The following RXRA variants were observed in gnomAD, a reference collection of about 807,000 sequenced individuals.
The protein encoded by RXRA is retinoic acid receptor RXR-alpha.
Under a neutral mutation model 44.5 loss-of-function variants are expected in RXRA, and 5 were observed. That is an observed-to-expected ratio of 0.11 (90% CI 0.06 to 0.24). The LOEUF is 0.24. RXRA is among the 10% of genes least tolerant of loss of function. The pLI, the probability that RXRA is intolerant of heterozygous loss-of-function variation, is 1.00. For missense variants in RXRA, 412 were observed against 646.5 expected, an observed-to-expected ratio of 0.64 and a Z score of 3.93; for synonymous variants, 291 against 271.4, an observed-to-expected ratio of 1.07 and a Z score of -0.71.
chr9:134,418,572 C>T (rs781176034), intron 5 of RXRA, among the ~76,000 whole-genome samples: 7 of 152,214 alleles, frequency 4.6e-5, no homozygotes, highest in Admixed American at 1.3e-4. Flanking sequence ...TTGCAGCTCA[C>T]GTGGCCTGGA....
chr9:134,407,780 C>A lies in RXRA; in HGVS notation c.280-369C>A, dbSNP rs911117879. Reference sequence around the variant, plus strand: ...TCATGGAGTGTCCGGGGGCACCCAGCGGGGCTGGGCACTGCCAGGGGCTCA... The same window carrying A: ...TCATGGAGTGTCCGGGGGCACCCAGAGGGGCTGGGCACTGCCAGGGGCTCA... On this transcript the variant is annotated intron_variant, in intron 2 of 9. Coordinates refer to ENST00000481739, the MANE Select transcript of RXRA (RefSeq NM_002957.6). This position sits in a 1 kb window ranked among gnomAD's most constrained non-coding sequence, Gnocchi z 4.8. Among the ~76,000 whole-genome samples the A allele has an allele frequency of 1.3e-5, 2 of 152,062 alleles. No homozygotes were observed.
chr9:134,424,029 C>G, intron 6 of RXRA: 1 of 985,412 alleles, frequency 1.0e-6, no homozygotes, highest in South Asian at 4.7e-5. Context: ...GGTGCCTGGC[C>G]CTGTGGTCCC....
intron 1 of RXRA, among the ~76,000 whole-genome samples, chr9:134,337,243 G>C (rs1830021337): frequency 6.6e-6 from 1 of 152,236 alleles, no homozygotes; most frequent in Non-Finnish European, 1.5e-5. Context: ...ACTTGTAGCA[G>C]TGTGGGGGGT....
intron 4 of RXRA, among the ~76,000 whole-genome samples, chr9:134,412,246 G>A (rs1480326507): frequency 6.6e-6 from 1 of 152,222 alleles, no homozygotes; most frequent in Non-Finnish European, 1.5e-5. Context: ...GTCGGCTCTG[G>A]GGACTGAGCC....
chr9:134,407,599 C>A lies in RXRA; in HGVS notation c.280-550C>A, dbSNP rs1227552021. On this transcript the variant is annotated intron_variant, in intron 2 of 9. Coordinates refer to ENST00000481739, the MANE Select transcript of RXRA (RefSeq NM_002957.6). The surrounding 1 kb of genome is among the most constrained non-coding windows in gnomAD (Gnocchi z 4.8). ...CGTGCCACCCGATGCCCGGGGGTGTCCACTCCCCTCTCCTGGGTCACGTGA... is the reference window on the plus strand; with the variant it reads ...CGTGCCACCCGATGCCCGGGGGTGTACACTCCCCTCTCCTGGGTCACGTGA... Among the ~76,000 whole-genome samples, 1 of 152,060 alleles carries A rather than the reference C, an allele frequency of 6.6e-6. No homozygotes were observed. Among genetic ancestry groups the A allele is most frequent in the Non-Finnish European group, 1.5e-5 (1 of 67,988 alleles).
chr9:134,395,458 G>T (rs1325852030), intron 1 of RXRA, among the ~76,000 whole-genome samples: 1 of 152,244 alleles, frequency 6.6e-6, no homozygotes, highest in East Asian at 1.9e-4. Flanking sequence ...GCTGGTCAGG[G>T]CTCTGTGTGG....
intron 1 of RXRA, among the ~76,000 whole-genome samples, chr9:134,396,940 G>T (rs1478938090): frequency 6.6e-6 from 1 of 152,196 alleles, no homozygotes; most frequent in Admixed American, 6.5e-5. Context: ...TTCCCTGGCT[G>T]CCCAGGAGGG....
intron 1 of RXRA, among the ~76,000 whole-genome samples, chr9:134,389,458 A>G (rs1830768975): frequency 1.3e-5 from 2 of 151,510 alleles, no homozygotes; most frequent in Admixed American, 1.3e-4. Flanking sequence ...TTGGGGGTAT[A>G]ATGGGGAGCC....
In RXRA at chr9:134,426,509, C is replaced by T. The variant is rs541232542; in HGVS notation, c.911-2599C>T. On this transcript the variant is annotated intron_variant, in intron 6 of 9. Transcript: ENST00000481739. This position sits in a 1 kb window ranked among gnomAD's most constrained non-coding sequence, Gnocchi z 4.6. ...GATGCAGCCGGCGTGCCGGAGGGTG[C>T]AGAGAGAGACTCCGCACTGTTCTGT... 3.0e-4 allele frequency: 291 copies of T among 985,450 alleles called. 1 individual carries two copies. The African/African-American group carries it at 4.6e-3, about 16-fold the overall frequency. 61.0% of individuals were successfully genotyped at this position (985,450 alleles called of 1,614,324 possible).
At chr9:134,430,702 G>C (rs1831518795) in intron 7 of RXRA, among the ~76,000 whole-genome samples, 1 of 152,230 alleles carries the variant, frequency 6.6e-6, no homozygotes, top group Admixed American at 6.5e-5. Context: ...CTTCTTTAGA[G>C]GGGTACTGGG....
Position 134,407,352 on chromosome 9 carries a change from C to T in RXRA, c.280-797C>T, listed in dbSNP as rs966707717. ...GGGGGCTGCCTGGCCAAGCGCTTAC[C>T]GCCCTGCGCAGCCAGGCTGGCTGGC... On this transcript the variant is annotated intron_variant, in intron 2 of 9. Coordinates refer to ENST00000481739, the MANE Select transcript of RXRA (RefSeq NM_002957.6). This position sits in a 1 kb window ranked among gnomAD's most constrained non-coding sequence, Gnocchi z 4.8. Among the ~76,000 whole-genome samples the T allele has an allele frequency of 1.3e-5, 2 of 152,196 alleles. No individual in the cohort carries two copies. The highest frequency in any genetic ancestry group is 2.9e-5 in the Non-Finnish European group (2 of 68,032).
In RXRA at chr9:134,343,737, C is replaced by T. The variant is rs1010608955; in HGVS notation, c.28+17078C>T. Among the ~76,000 whole-genome samples the T allele has an allele frequency of 2.6e-5, 4 of 152,248 alleles. No individual in the cohort carries two copies. The highest frequency in any genetic ancestry group is 1.9e-4 in the East Asian group (1 of 5,146). On this transcript the variant is annotated intron_variant, in intron 1 of 9. Transcript: ENST00000481739. This position sits in a 1 kb window ranked among gnomAD's most constrained non-coding sequence, Gnocchi z 4.1. Reference sequence around the variant, plus strand: ...GGGGCCTCGGGACCAACCCTCCATCCGCCCGTCCCCAGCCGGGCGCGGCAC... The same window carrying T: ...GGGGCCTCGGGACCAACCCTCCATCTGCCCGTCCCCAGCCGGGCGCGGCAC...
intron 1 of RXRA, among the ~76,000 whole-genome samples, chr9:134,329,355 C>A (rs781962169): frequency 2.6e-5 from 4 of 152,236 alleles, no homozygotes; most frequent in African/African-American, 7.2e-5. Context: ...TCTTTTAGCG[C>A]GGGCGCTGCC....
intron 6 of RXRA, among the ~76,000 whole-genome samples, chr9:134,428,820 C>T (rs1041934037): frequency 1.3e-5 from 2 of 152,212 alleles, no homozygotes; most frequent in African/African-American, 2.4e-5. Flanking sequence ...GTCCTGCACA[C>T]GCGGGAGGAA....
At chr9:134,351,302 G>A (rs11185658) in intron 1 of RXRA, among the ~76,000 whole-genome samples, 9,738 of 152,308 alleles carry the variant, frequency 0.064, 363 homozygotes, top group Admixed American at 0.14. Context: ...CAGAGAAGGG[G>A]CAGTCGGGAG....
At chr9:134,392,298 G>A (rs1046409312) in intron 1 of RXRA, among the ~76,000 whole-genome samples, 4 of 139,136 alleles carry the variant, frequency 2.9e-5, no homozygotes, top group Non-Finnish European at 6.3e-5. Flanking sequence ...CCAGGCAGCA[G>A]ATGGGTGGTC....
At chr9:134,355,495 G>C (rs1205168768) in intron 1 of RXRA, among the ~76,000 whole-genome samples, 1 of 144,604 alleles carries the variant, frequency 6.9e-6, no homozygotes, top group Non-Finnish European at 1.5e-5. Context: ...TGTTATTTTT[G>C]GTTACTTTTT....
intron 8 of RXRA, among the ~76,000 whole-genome samples, chr9:134,432,336 TC>T (rs35929025): frequency 6.6e-6 from 1 of 152,174 alleles, no homozygotes; most frequent in African/African-American, 2.4e-5. Context: ...GTTGTGAACT[TC>T]CGGTGCTGAA....
At position 134,342,786 on chromosome 9, in the gene RXRA, A is replaced by ACCTGC. The variant is rs1441572364; in HGVS notation, c.28+16129_28+16133dup. Among the ~76,000 whole-genome samples the ACCTGC allele has an allele frequency of 6.6e-6, 1 of 152,094 alleles. No homozygotes were observed. Among genetic ancestry groups the ACCTGC allele is most frequent in the Non-Finnish European group, 1.5e-5 (1 of 67,998 alleles). On this transcript the variant is annotated intron_variant, in intron 1 of 9. Transcript: ENST00000481739. This position sits in a 1 kb window ranked among gnomAD's most constrained non-coding sequence, Gnocchi z 4.4. ...GACAGCGCCGCGGAGGAGGCTGCCT[A>ACCTGC]CCTGCCTTCCTGGCCCTTCCTGCTC...
Sources: gnomAD v4.1 joint callset for allele counts (sites outside exome capture counted in the v4.1 genomes callset) on GRCh38, gnomAD v4.1.1 for gene constraint, Gnocchi (gnomAD v3.1) non-coding constraint, MANE v1.5 for transcripts, NCBI Gene and HGNC (gene_info 2026-07-23, HGNC 2026-07-21) for gene names.